The following SAE1 variants were observed in gnomAD, a reference collection of about 807,000 sequenced individuals.
SAE1 encodes SUMO1 activating enzyme subunit 1, also known as SUMO-activating enzyme subunit 1.
SAE1 carries 11 observed loss-of-function variants against 40.6 expected under a neutral mutation model. The ratio of observed to expected loss-of-function variants is 0.27; its 90% CI spans 0.17 to 0.45. The LOEUF (loss-of-function observed/expected upper bound fraction) is 0.45, where lower values mean the gene tolerates loss of function less well. SAE1 is among the 20% of genes least tolerant of loss of function. The probability of loss-of-function intolerance (pLI) is 1.00; values close to 1 mark genes in which losing one functional copy is unlikely to be tolerated. For synonymous variants in SAE1, 155 were observed against 154.3 expected, an observed-to-expected ratio of 1.00 and a Z score of -0.03; for missense variants, 373 against 427.3, an observed-to-expected ratio of 0.87 and a Z score of 1.12.
At chr19:47,177,831 G>A (rs2058479634) in intron 6 of SAE1, among the ~76,000 whole-genome samples, 1 of 152,162 alleles carries the variant, frequency 6.6e-6, no homozygotes, top group Admixed American at 6.5e-5. Flanking sequence ...TTTGCCAGGT[G>A]GGAAAGAGGG....
rs370803921 is a variant in SAE1 at position 47,159,817 on chromosome 19, C to T, written c.627+4604C>T. Among the ~76,000 whole-genome samples, 7 of 152,270 alleles carry T rather than the reference C, an allele frequency of 4.6e-5. No individual in the cohort carries two copies. In the South Asian group the frequency reaches 8.3e-4, roughly 18 times the overall value. ...CAAGCAATTCTCCTGCCTCAGCTTC[C>T]GGAGTAGCTGGAACTGCCAGTGTGT... On this transcript the variant is annotated intron_variant, in intron 5 of 8. Coordinates refer to ENST00000270225, the MANE Select transcript of SAE1 (RefSeq NM_005500.3).
At chr19:47,168,392 C>G (rs2123248979) in intron 5 of SAE1, among the ~76,000 whole-genome samples, 1 of 152,122 alleles carries the variant, frequency 6.6e-6, no homozygotes, top group East Asian at 1.9e-4. Flanking sequence ...CAGCCTCGAC[C>G]TCCTGTGCTA....
chr19:47,199,097 T>C (rs971405281), intron 7 of SAE1, among the ~76,000 whole-genome samples: 3 of 147,172 alleles, frequency 2.0e-5, no homozygotes, highest in Non-Finnish European at 4.5e-5. Context: ...TCAATACATA[T>C]AGCGTAAGGC....
chr19:47,177,403 G>A (rs2058476421), intron 6 of SAE1, among the ~76,000 whole-genome samples: 2 of 152,138 alleles, frequency 1.3e-5, no homozygotes, highest in Admixed American at 1.3e-4. Context: ...CTGCTTTCCA[G>A]GCTGGAGTGT....
chr19:47,154,653 C>T (rs1023046246), intron 4 of SAE1, among the ~76,000 whole-genome samples: 2 of 151,716 alleles, frequency 1.3e-5, no homozygotes, highest in African/African-American at 4.8e-5. Flanking sequence ...CACCACCACG[C>T]CCGGCTAGTT....
At chr19:47,131,209 C>A (rs2058139886) in intron 1 of SAE1, 181 bp downstream of exon 1, 2 of 1,368,606 alleles carry the variant, frequency 1.5e-6, no homozygotes, top group Non-Finnish European at 1.9e-6. Context: ...TCTGGAAGGT[C>A]TGGGAAGTGG....
At chr19:47,201,033 A>AT (rs1214795152) in intron 7 of SAE1, among the ~76,000 whole-genome samples, 1 of 145,958 alleles carries the variant, frequency 6.9e-6, no homozygotes, top group Admixed American at 6.8e-5. Flanking sequence ...ATTTTTTTTT[A>AT]TTTTTTTATT....
chr19:47,185,081 A>G (rs905655181), intron 6 of SAE1, among the ~76,000 whole-genome samples: 10 of 151,872 alleles, frequency 6.6e-5, no homozygotes, highest in Non-Finnish European at 1.3e-4. Flanking sequence ...CGGCCTTCCA[A>G]GTACTGGGAT....
At position 47,130,842 on chromosome 19, in the gene SAE1, G is replaced by T; in HGVS notation, c.-89G>T. 2 of 1,539,624 alleles carry T rather than the reference G, an allele frequency of 1.3e-6. No homozygotes were observed. Among genetic ancestry groups the T allele is most frequent in the South Asian group, 1.2e-5 (1 of 82,548 alleles). On this transcript the variant is annotated 5_prime_UTR_variant, in exon 1 of 9. Coordinates refer to ENST00000270225, the MANE Select transcript of SAE1 (RefSeq NM_005500.3). ...CTGCGCATGCGCAGAAGCACTCCGG[G>T]CGTGCTGCCGGCGGCGGTAGGTGGC...
chr19:47,138,995 G>A (rs1306548360), intron 1 of SAE1, among the ~76,000 whole-genome samples: 1 of 152,308 alleles, frequency 6.6e-6, no homozygotes, highest in East Asian at 1.9e-4. Flanking sequence ...GAGGGAAGAA[G>A]CAATGGGAAG....
chr19:47,178,251 A>G lies in SAE1; in HGVS notation c.733+8328A>G, dbSNP rs997591499. Reference sequence around the variant, plus strand: ...GGCAAGACTCCATCTCCAAAAAAAAAAAAGAAATCTATCTATCTATCAGTC... The same window carrying G: ...GGCAAGACTCCATCTCCAAAAAAAAGAAAGAAATCTATCTATCTATCAGTC... On this transcript the variant is annotated intron_variant, in intron 6 of 8. Transcript: ENST00000270225. Among the ~76,000 whole-genome samples the G allele has an allele frequency of 2.0e-5, 3 of 152,150 alleles. No homozygotes were observed. In the East Asian group the frequency reaches 5.8e-4, roughly 29 times the overall value.
chr19:47,169,348 C>T (rs1197394385), intron 5 of SAE1, among the ~76,000 whole-genome samples: 8 of 152,030 alleles, frequency 5.3e-5, no homozygotes, highest in Admixed American at 1.3e-4. Context: ...TGGGTTCAAG[C>T]GATTCTCCTG....
chr19:47,167,304 TC>T (rs1349898631), intron 5 of SAE1, among the ~76,000 whole-genome samples: 31 of 150,210 alleles, frequency 2.1e-4, no homozygotes, highest in Admixed American at 4.7e-4. Flanking sequence ...TCTCGCTCTG[TC>T]CCCCAGGCTG....
At chr19:47,131,106 CG>C (rs1169268567) in intron 1 of SAE1, 78 bp downstream of exon 1, 1 of 1,448,176 alleles carries the variant, frequency 6.9e-7, no homozygotes, top group African/African-American at 1.5e-5. Context: ...CCGGAAGGAG[CG>C]GGAAGGTGTG....
chr19:47,139,319 G>A (rs2058202744), intron 1 of SAE1, among the ~76,000 whole-genome samples: 1 of 152,132 alleles, frequency 6.6e-6, no homozygotes. Context: ...TGGGATTACA[G>A]GCGTGAGTCG....
At chr19:47,166,554 A>G (rs2058393440) in intron 5 of SAE1, among the ~76,000 whole-genome samples, 1 of 152,046 alleles carries the variant, frequency 6.6e-6, no homozygotes, top group Non-Finnish European at 1.5e-5. Flanking sequence ...CTAAAACACA[A>G]CCTCCACCCC....
intron 7 of SAE1, among the ~76,000 whole-genome samples, chr19:47,198,993 C>G (rs1167714733): frequency 6.6e-6 from 1 of 152,126 alleles, no homozygotes; most frequent in African/African-American, 2.4e-5. Context: ...GAGGCTGAGG[C>G]TAGAGCATCG....
At chr19:47,193,151 G>T (rs1012043935) in intron 6 of SAE1, among the ~76,000 whole-genome samples, 1 of 148,262 alleles carries the variant, frequency 6.7e-6, no homozygotes, top group Non-Finnish European at 1.5e-5. Flanking sequence ...TCCACCTCCC[G>T]GGTTCAAGAG....
rs2058688215 is a variant in SAE1, at chr19:47,206,681, G to T, written c.949-2478G>T. On this transcript the variant is annotated intron_variant, in intron 8 of 8. Transcript: ENST00000270225. ...AACACATACCATCTCCTGTATCTTG[G>T]GTTTGAGGGTCTAAGAGTTCCACCT... 2.6e-5 allele frequency among the ~76,000 whole-genome samples: 4 copies of T among 152,096 alleles called. No homozygotes were observed. The South Asian group carries it at 8.3e-4, about 32-fold the overall frequency.
Sources: gnomAD v4.1 joint callset for allele counts (sites outside exome capture counted in the v4.1 genomes callset) on GRCh38, gnomAD v4.1.1 for gene constraint, MANE v1.5 for transcripts, NCBI Gene and HGNC (gene_info 2026-07-23, HGNC 2026-07-21) for gene names.